CHST8: variants seen among roughly 807,000 people sequenced by gnomAD.
CHST8 encodes GALNAC-4-ST1.
A neutral mutation model predicts 15.0 loss-of-function variants in CHST8; 10 were observed. The ratio of observed to expected loss-of-function variants is 0.67; its 90% CI spans 0.41 to 1.13. The LOEUF (loss-of-function observed/expected upper bound fraction) is 1.13, where lower values mean the gene tolerates loss of function less well. CHST8 is among the 50% of genes most tolerant of loss of function. CHST8 has a pLI of 0.00. For missense variants in CHST8, 634 were observed against 608.2 expected (o/e 1.04, Z -0.45); for synonymous variants, 259 against 256.6 (o/e 1.01, Z -0.09).
intron 3 of CHST8, among the ~76,000 whole-genome samples, chr19:33,743,818 G>T (rs1276082197): frequency 6.8e-6 from 1 of 146,740 alleles, no homozygotes; most frequent in Non-Finnish European, 1.5e-5. Flanking sequence ...TTGAGATGGA[G>T]TCTCACTCTG....
intron 3 of CHST8, among the ~76,000 whole-genome samples, chr19:33,763,603 T>A (rs1974777804): frequency 6.6e-6 from 1 of 152,284 alleles, no homozygotes; most frequent in East Asian, 1.9e-4. Flanking sequence ...CAGCAGAGAA[T>A]GTAAGAAGTT....
chr19:33,703,574 C>T (rs988048222), intron 3 of CHST8, among the ~76,000 whole-genome samples: 12 of 152,220 alleles, frequency 7.9e-5, no homozygotes, highest in Admixed American at 3.9e-4. Context: ...TGGGGCTAGA[C>T]GCACCTTCTG....
intron 3 of CHST8, among the ~76,000 whole-genome samples, chr19:33,738,003 G>A (rs147705207): frequency 0.019 from 2,847 of 152,216 alleles, 33 homozygotes; most frequent in Non-Finnish European, 0.027. Flanking sequence ...GAAAATAGAT[G>A]TGTGCTTTCC....
rs545174879 is a variant in CHST8 at position 33,735,701 on chromosome 19, C to A, written c.131-35712C>A. 5.3e-5 allele frequency among the ~76,000 whole-genome samples: 8 copies of A among 152,336 alleles called. No individual in the cohort carries two copies. In the South Asian group the frequency reaches 1.7e-3, roughly 32 times the overall value. On this transcript the variant is annotated intron_variant, in intron 3 of 4. Transcript: ENST00000650847. ...AATTAGCCGGGCGTGCTGGTGCACA[C>A]CTGTAATCCCAGCTACTTGAGACGC...
At position 33,637,876 on chromosome 19, in the gene CHST8, AG is replaced by A. The variant is rs372525257; in HGVS notation, c.-164+15581del. ...TCTCTTAAGAAAAAAAAAAAAAAAA[AG>A]AAAGGTCCCAAAGTGTAGGATCTGA... On this transcript the variant is annotated intron_variant, in intron 1 of 4. Coordinates refer to ENST00000650847, the MANE Select transcript of CHST8 (RefSeq NM_001127895.2). Among the ~76,000 whole-genome samples, 160 of 149,336 alleles carry A rather than the reference AG, an allele frequency of 1.1e-3. 2 individuals are homozygous for A. The highest frequency in any genetic ancestry group is 3.2e-3 in the African/African-American group (129 of 40,942).
chr19:33,724,473 TGCGG>T (rs1218902169), intron 3 of CHST8, among the ~76,000 whole-genome samples: 2 of 149,364 alleles, frequency 1.3e-5, no homozygotes, highest in Admixed American at 1.3e-4. Context: ...AAAGTGTGGC[TGCGG>T]GGCTGGCAGC....
intron 1 of CHST8, among the ~76,000 whole-genome samples, chr19:33,665,090 T>C (rs1972639182): frequency 6.7e-6 from 1 of 150,320 alleles, no homozygotes; most frequent in African/African-American, 2.5e-5. Flanking sequence ...AATACGCTGG[T>C]TTCCTTTCTT....
chr19:33,689,448 C>G (rs1973055202), intron 3 of CHST8, 57 bp downstream of exon 3: 1 of 1,486,988 alleles, frequency 6.7e-7, no homozygotes. Flanking sequence ...GCCTGAAGCT[C>G]AGGCCTCCAC....
At chr19:33,640,025 G>T (rs1355229087) in intron 1 of CHST8, among the ~76,000 whole-genome samples, 1 of 151,964 alleles carries the variant, frequency 6.6e-6, no homozygotes, top group South Asian at 2.1e-4. Flanking sequence ...TGTAGTTTTA[G>T]TAGAGACAGG....
At chr19:33,668,606 C>T (rs1015058609) in intron 2 of CHST8, among the ~76,000 whole-genome samples, 6 of 152,118 alleles carry the variant, frequency 3.9e-5, no homozygotes, top group African/African-American at 1.4e-4. Context: ...GTATGAGAAT[C>T]TCCAAGGAGG....
chr19:33,698,875 C>T (rs1013539518), intron 3 of CHST8, among the ~76,000 whole-genome samples: 1 of 152,068 alleles, frequency 6.6e-6, no homozygotes, highest in African/African-American at 2.4e-5. Context: ...ACTCACAGGT[C>T]GACACACTCA....
chr19:33,706,004 C>T (rs547577180), intron 3 of CHST8, among the ~76,000 whole-genome samples: 9 of 152,248 alleles, frequency 5.9e-5, no homozygotes, highest in South Asian at 2.1e-4. Context: ...TCGCTGTACC[C>T]GTCTCTATTT....
At chr19:33,661,718 G>C (rs1434642187) in intron 1 of CHST8, among the ~76,000 whole-genome samples, 2 of 152,150 alleles carry the variant, frequency 1.3e-5, no homozygotes, top group African/African-American at 4.8e-5. Context: ...TTCACCAGCA[G>C]CTCAAGAGGT....
chr19:33,660,065 G>A (rs1456897026), intron 1 of CHST8, among the ~76,000 whole-genome samples: 1 of 152,180 alleles, frequency 6.6e-6, no homozygotes, highest in African/African-American at 2.4e-5. Flanking sequence ...CTCACAGGCT[G>A]TCTGTGGTGG....
At chr19:33,688,532 C>T (rs921505667) in intron 2 of CHST8, among the ~76,000 whole-genome samples, 12 of 152,180 alleles carry the variant, frequency 7.9e-5, no homozygotes, top group African/African-American at 2.9e-4. Flanking sequence ...GCCAGAGCCT[C>T]AGCTCCCTCT....
chr19:33,686,069 G>A (rs952382679), intron 2 of CHST8, among the ~76,000 whole-genome samples: 1 of 152,194 alleles, frequency 6.6e-6, no homozygotes, highest in Non-Finnish European at 1.5e-5. Context: ...GAGGGTCCCA[G>A]AGGGAAAAGC....
intron 3 of CHST8, among the ~76,000 whole-genome samples, chr19:33,712,881 A>G (rs73033193): frequency 0.15 from 22,072 of 152,072 alleles, 1,709 homozygotes; most frequent in African/African-American, 0.19. Flanking sequence ...GCCTGTCTGT[A>G]TATTGGTCTC....
chr19:33,692,819 T>C (rs1275310794), intron 3 of CHST8, among the ~76,000 whole-genome samples: 2 of 152,000 alleles, frequency 1.3e-5, no homozygotes, highest in South Asian at 2.1e-4. Flanking sequence ...TCATAGCGAA[T>C]TTGGAACACA....
At position 33,622,006 on chromosome 19, in the gene CHST8, A is replaced by T. The variant is rs1341092441; in HGVS notation, c.-454A>T. The T allele has an allele frequency of 6.6e-6, 1 of 151,870 alleles. No homozygotes were observed. Among genetic ancestry groups the T allele is most frequent in the South Asian group, 2.1e-4 (1 of 4,862 alleles). The allele number at this position is 151,870 out of a possible 1,614,324, so 9.4% of individuals were successfully genotyped here. A position where few individuals can be genotyped will look rare whatever the true frequency, so the allele number is the denominator to read the frequency against. ...AGCCGGATCCGGCAGTGCTGCGGGGAGGAGAGAGGACGAGGCGGCGGCGGC... is the reference window on the plus strand; with the variant it reads ...AGCCGGATCCGGCAGTGCTGCGGGGTGGAGAGAGGACGAGGCGGCGGCGGC... On this transcript the variant is annotated 5_prime_UTR_variant, in exon 1 of 5. Transcript: ENST00000650847.
Sources: allele counts gnomAD v4.1 joint callset (sites outside exome capture counted in the v4.1 genomes callset), GRCh38; gene constraint gnomAD v4.1.1; transcripts MANE v1.5; gene names NCBI Gene and HGNC (gene_info 2026-07-23, HGNC 2026-07-21).